CIMIP2C: variants seen among roughly 807,000 people sequenced by gnomAD.
CIMIP2C encodes ciliary microtubule inner protein 2C.
chr2:26,572,206 T>G, the CIMIP2C span: 1 of 1,480,344 alleles, frequency 6.8e-7, no homozygotes, highest in East Asian at 2.6e-5. Flanking sequence ...TTGCTTAAAT[T>G]AGTTTTACTT....
chr2:26,568,018 C>T, the CIMIP2C span, among the ~76,000 whole-genome samples: 2 of 152,154 alleles, frequency 1.3e-5, no homozygotes, highest in South Asian at 2.1e-4. Flanking sequence ...TCTACCTGTG[C>T]CATTCTCCTT....
chr2:26,572,162 C>T, the CIMIP2C span: 23 of 1,533,722 alleles, frequency 1.5e-5, no homozygotes, highest in Non-Finnish European at 2.0e-5. Flanking sequence ...GTAAGTGCAC[C>T]CCCATCTCCC....
chr2:26,569,707 G>A, the CIMIP2C span, among the ~76,000 whole-genome samples: 1 of 152,128 alleles, frequency 6.6e-6, no homozygotes, highest in Non-Finnish European at 1.5e-5. Flanking sequence ...CATTGCCCAG[G>A]GGTCCGGCTT....
At chr2:26,562,735 C>T in the CIMIP2C span, 2 of 1,496,708 alleles carry the variant, frequency 1.3e-6, no homozygotes, top group Non-Finnish European at 1.8e-6. Context: ...CTAGCGCCCT[C>T]CTCGGTGATC....
the CIMIP2C span, among the ~76,000 whole-genome samples, chr2:26,565,909 G>A: frequency 4.6e-5 from 7 of 152,364 alleles, no homozygotes; most frequent in African/African-American, 1.7e-4. Flanking sequence ...TGGGGACACA[G>A]CTCCTAGGCA....
the CIMIP2C span, chr2:26,562,895 T>A: frequency 1.8e-6 from 1 of 569,526 alleles, no homozygotes; most frequent in Non-Finnish European, 3.1e-6. Flanking sequence ...CAGATTCCCC[T>A]TCACAGGAAG....
At chr2:26,565,059 TCTTCCCCTTCCC>T in the CIMIP2C span, among the ~76,000 whole-genome samples, 26 of 143,318 alleles carry the variant, frequency 1.8e-4, no homozygotes, top group East Asian at 3.9e-3. Flanking sequence ...TTCTCCTTCT[TCTTCCCCTTCCC>T]CTTCCCCTTC....
At chr2:26,572,990 T>C in the CIMIP2C span, among the ~76,000 whole-genome samples, 2 of 152,368 alleles carry the variant, frequency 1.3e-5, no homozygotes, top group East Asian at 3.9e-4. Context: ...CACGAAGTGC[T>C]CTCAGGAACT....
At chr2:26,578,548 C>G in the CIMIP2C span, 14 of 294,020 alleles carry the variant, frequency 4.8e-5, no homozygotes, top group Non-Finnish European at 8.1e-5. Flanking sequence ...GCTGCGTGGC[C>G]TGGATGGTTG....
At chr2:26,577,999 G>A in the CIMIP2C span, 96 of 252,698 alleles carry the variant, frequency 3.8e-4, no homozygotes, top group Non-Finnish European at 6.0e-4. Flanking sequence ...AGGAGCTGCT[G>A]CCCTCTGGTG....
the CIMIP2C span, among the ~76,000 whole-genome samples, chr2:26,570,714 G>A: frequency 6.6e-6 from 1 of 152,210 alleles, no homozygotes; most frequent in South Asian, 2.1e-4. Context: ...TGGGAGTAAC[G>A]CTGCTGGGGC....
chr2:26,562,842 G>T, the CIMIP2C span, among the ~76,000 whole-genome samples: 4 of 152,328 alleles, frequency 2.6e-5, no homozygotes, highest in African/African-American at 9.6e-5. Context: ...AGAGGTTTGT[G>T]GTTTCAGAGT....
the CIMIP2C span, among the ~76,000 whole-genome samples, chr2:26,567,951 G>A: frequency 6.6e-6 from 1 of 152,172 alleles, no homozygotes; most frequent in East Asian, 1.9e-4. Flanking sequence ...TGAGAAACTG[G>A]CAGGTGTGGT....
chr2:26,579,372 A>G, the CIMIP2C span: 9 of 1,613,736 alleles, frequency 5.6e-6, no homozygotes, highest in Non-Finnish European at 7.6e-6. Context: ...AGACCTTCCC[A>G]TCAGGGAAGA....
the CIMIP2C span, among the ~76,000 whole-genome samples, chr2:26,566,837 A>G: frequency 7.6e-4 from 116 of 152,288 alleles, no homozygotes; most frequent in African/African-American, 2.7e-3. Flanking sequence ...CTCCCACCTC[A>G]GCCCCCTGAG....
the CIMIP2C span, chr2:26,577,561 G>T: frequency 1.2e-6 from 2 of 1,614,144 alleles, no homozygotes; most frequent in East Asian, 2.2e-5. Context: ...GACGGGCACA[G>T]TGCCTCGAGT....
chr2:26,577,614 C>T, the CIMIP2C span: 1 of 1,613,744 alleles, frequency 6.2e-7, no homozygotes, highest in East Asian at 2.2e-5. Flanking sequence ...AACGGTACCC[C>T]CTCCCCACCG....
chr2:26,577,677 G>A, the CIMIP2C span: 1 of 1,394,172 alleles, frequency 7.2e-7, no homozygotes, highest in African/African-American at 1.4e-5. Context: ...ACGCACCCAT[G>A]GGGCACCTGC....
chr2:26,563,075 C>A, the CIMIP2C span: 56 of 234,474 alleles, frequency 2.4e-4, no homozygotes, highest in Non-Finnish European at 4.1e-4. Flanking sequence ...CCCTTCCGTC[C>A]GGCGCACAGG....
Sources: allele counts gnomAD v4.1 joint callset (sites outside exome capture counted in the v4.1 genomes callset), GRCh38; gene constraint gnomAD v4.1.1; transcripts MANE v1.5; gene names NCBI Gene and HGNC (gene_info 2026-07-23, HGNC 2026-07-21).